Variants in PLCH1 observed in about 807,000 individuals in gnomAD.
The protein encoded by PLCH1 is 1-phosphatidylinositol 4,5-bisphosphate phosphodiesterase eta-1.
In PLCH1, 60 loss-of-function variants were observed where a neutral mutation model predicts 126.7. That is an observed-to-expected ratio of 0.47 (90% confidence interval 0.38 to 0.59). The LOEUF is 0.59. Among genes scored for constraint, PLCH1 ranks in the 20% least tolerant of loss-of-function variants. The pLI is 0.00. For missense variants in PLCH1, 1,723 were observed against 2,040.0 expected, an observed-to-expected ratio of 0.84 and a Z score of 2.99; for synonymous variants, 719 against 734.9, an observed-to-expected ratio of 0.98 and a Z score of 0.35.
intron 8 of PLCH1, among the ~76,000 whole-genome samples, chr3:155,554,705 A>C (rs1726580889): frequency 6.6e-6 from 1 of 152,258 alleles, no homozygotes; most frequent in South Asian, 2.1e-4. Flanking sequence ...TTATAAAATA[A>C]CATCAACTTC....
At chr3:155,718,899 T>G (rs1428298221) in intron 1 of PLCH1, among the ~76,000 whole-genome samples, 1 of 152,194 alleles carries the variant, frequency 6.6e-6, no homozygotes, top group African/African-American at 2.4e-5. Flanking sequence ...TCACCAGAAA[T>G]ATATGTATTT....
chr3:155,739,009 G>T (rs997509968), intron 1 of PLCH1, among the ~76,000 whole-genome samples: 2 of 152,236 alleles, frequency 1.3e-5, no homozygotes, highest in Non-Finnish European at 2.9e-5. Context: ...CCACCAATTG[G>T]CTGTGTGAAC....
chr3:155,565,496 C>T (rs1329431905), intron 7 of PLCH1, among the ~76,000 whole-genome samples: 1 of 152,094 alleles, frequency 6.6e-6, no homozygotes, highest in African/African-American at 2.4e-5. Flanking sequence ...TGCTCCAGCT[C>T]AAGCCACGTG....
chr3:155,689,695 C>A (rs7642406), intron 2 of PLCH1, among the ~76,000 whole-genome samples: 10,733 of 151,686 alleles, frequency 0.071, 415 homozygotes, highest in Middle Eastern at 0.11. Flanking sequence ...GATTAGTGAG[C>A]TTAAAGACAG....
chr3:155,681,101 C>T (rs1437251881), intron 2 of PLCH1, among the ~76,000 whole-genome samples: 1 of 152,038 alleles, frequency 6.6e-6, no homozygotes, highest in Non-Finnish European at 1.5e-5. Context: ...ACAGCTATCT[C>T]TAGGTGTTTT....
chr3:155,545,478 AT>A (rs1405365011), intron 10 of PLCH1, among the ~76,000 whole-genome samples: 1 of 148,972 alleles, frequency 6.7e-6, no homozygotes, highest in Non-Finnish European at 1.5e-5. Flanking sequence ...AACTGGTACC[AT>A]TCCTTCTGAA....
chr3:155,652,057 C>G (rs905442759), intron 2 of PLCH1, among the ~76,000 whole-genome samples: 1 of 152,202 alleles, frequency 6.6e-6, no homozygotes, highest in Non-Finnish European at 1.5e-5. Flanking sequence ...ATACACTGTT[C>G]GAATCATCTG....
intron 2 of PLCH1, among the ~76,000 whole-genome samples, chr3:155,648,962 T>A (rs1740373061): frequency 6.6e-6 from 1 of 152,188 alleles, no homozygotes; most frequent in Non-Finnish European, 1.5e-5. Context: ...GACATAGGCC[T>A]CTTAGGCCAT....
In PLCH1 at chr3:155,655,204, G is replaced by T. The variant is rs1199805254; in HGVS notation, c.79+48942C>A. On this transcript the variant is annotated intron_variant, in intron 2 of 22. Transcript: ENST00000460012. ...TAATCTCAGCACTCTGGGAGGCCAAGTCAGGAGGATCAATTGAGCCTGGGA... is the reference window on the plus strand; with the variant it reads ...TAATCTCAGCACTCTGGGAGGCCAATTCAGGAGGATCAATTGAGCCTGGGA... 3.3e-5 allele frequency among the ~76,000 whole-genome samples: 5 copies of T among 152,284 alleles called. No individual in the cohort carries two copies. The East Asian group carries it at 9.7e-4, about 29-fold the overall frequency.
intron 4 of PLCH1, among the ~76,000 whole-genome samples, chr3:155,586,765 T>C (rs1731434915): frequency 6.6e-6 from 1 of 152,182 alleles, no homozygotes; most frequent in Non-Finnish European, 1.5e-5. Context: ...CCAAATTATT[T>C]TGAGCATCTT....
intron 21 of PLCH1, among the ~76,000 whole-genome samples, chr3:155,466,475 A>T (rs1472583645): frequency 6.6e-6 from 1 of 152,134 alleles, no homozygotes; most frequent in East Asian, 1.9e-4. Flanking sequence ...AGATCACAAC[A>T]CTCAAATTCT....
chr3:155,474,992 G>A (rs958796361), downstream of PLCH1, among the ~76,000 whole-genome samples: 2 of 142,858 alleles, frequency 1.4e-5, no homozygotes, highest in Non-Finnish European at 3.0e-5. Context: ...ACGAGTTAGT[G>A]GGTGCAGTGC....
At chr3:155,671,010 G>A (rs1284288959) in intron 2 of PLCH1, among the ~76,000 whole-genome samples, 1 of 152,178 alleles carries the variant, frequency 6.6e-6, no homozygotes, top group Non-Finnish European at 1.5e-5. Context: ...TGTCTTCATA[G>A]AGACAGAGAA....
At chr3:155,532,138 T>G (rs2108338027) in intron 10 of PLCH1, among the ~76,000 whole-genome samples, 1 of 152,218 alleles carries the variant, frequency 6.6e-6, no homozygotes, top group East Asian at 1.9e-4. Context: ...TGATTGAAAG[T>G]GAGAGAAATG....
chr3:155,463,964 G>A (rs1712830883), intron 21 of PLCH1, among the ~76,000 whole-genome samples: 1 of 152,162 alleles, frequency 6.6e-6, no homozygotes, highest in African/African-American at 2.4e-5. Flanking sequence ...GAATGCACAT[G>A]GGTACCAGGC....
chr3:155,532,576 A>G (rs1722845858), intron 10 of PLCH1, among the ~76,000 whole-genome samples: 2 of 152,144 alleles, frequency 1.3e-5, no homozygotes, highest in Admixed American at 1.3e-4. Flanking sequence ...GTGATAGTGA[A>G]TGAGTTCTCA....
rs562859822 is a variant in PLCH1 at position 155,736,066 on chromosome 3, G to A, written c.-41+8774C>T. ...AATGAGAAGAATTCTATGAGAAAAC[G>A]TACACCTTTAATTTAGTTCACCAGA... On this transcript the variant is annotated intron_variant, in intron 1 of 22. Coordinates refer to ENST00000460012, the MANE Select transcript of PLCH1 (RefSeq NM_014996.4). Among the ~76,000 whole-genome samples, 23 of 152,230 alleles carry A rather than the reference G, an allele frequency of 1.5e-4. 1 individual carries two copies. In the South Asian group the frequency reaches 2.1e-3, roughly 14 times the overall value.
intron 15 of PLCH1, 130 bp from the exon 16 acceptor site, chr3:155,494,647 C>G (rs1716756826): frequency 1.4e-6 from 1 of 705,854 alleles, no homozygotes; most frequent in Non-Finnish European, 2.4e-6. Flanking sequence ...TGGATTCAAC[C>G]AGAGTAGAGG....
At chr3:155,734,739 C>T (rs1430992501) in intron 1 of PLCH1, among the ~76,000 whole-genome samples, 5 of 147,132 alleles carry the variant, frequency 3.4e-5, no homozygotes, top group Non-Finnish European at 7.4e-5. Flanking sequence ...GACAGAGTCT[C>T]GCTCTGTCGC....
Sources: gnomAD v4.1 joint callset for allele counts (sites outside exome capture counted in the v4.1 genomes callset) on GRCh38, gnomAD v4.1.1 for gene constraint, MANE v1.5 for transcripts, NCBI Gene and HGNC (gene_info 2026-07-23, HGNC 2026-07-21) for gene names.